Variants in RAB28 observed in about 807,000 individuals in gnomAD.
RAB28 encodes the protein ras-related protein Rab-28.
Under a neutral mutation model 31.7 loss-of-function variants are expected in RAB28, and 24 were observed. The observed-to-expected ratio is 0.76, with a 90% confidence interval of 0.55 to 1.06. The LOEUF is 1.06. Among genes scored for constraint, RAB28 ranks in the 50% least tolerant of loss-of-function variants. RAB28 has a pLI of 0.00. For missense variants in RAB28, 254 were observed against 258.5 expected, an observed-to-expected ratio of 0.98 and a Z score of 0.12; for synonymous variants, 100 against 90.4, an observed-to-expected ratio of 1.11 and a Z score of -0.60.
intron 4 of RAB28, among the ~76,000 whole-genome samples, chr4:13,445,844 T>C (rs1277026633): frequency 6.6e-6 from 1 of 152,216 alleles, no homozygotes; most frequent in Non-Finnish European, 1.5e-5. Flanking sequence ...AGGGACCTGC[T>C]TGAGGGAGCA....
chr4:13,467,101 C>G (rs61798410), intron 3 of RAB28, among the ~76,000 whole-genome samples: 1 of 151,642 alleles, frequency 6.6e-6, no homozygotes, highest in Admixed American at 6.6e-5. Flanking sequence ...AACTATTGCA[C>G]AGTGTGGTTA....
intron 4 of RAB28, among the ~76,000 whole-genome samples, chr4:13,440,541 G>T (rs553952882): frequency 5.9e-5 from 9 of 151,892 alleles, no homozygotes; most frequent in African/African-American, 1.9e-4. Flanking sequence ...ATACCAAAGG[G>T]CTCTATTTTT....
chr4:13,402,231 G>A (rs11943295), intron 4 of RAB28, among the ~76,000 whole-genome samples: 11,319 of 152,216 alleles, frequency 0.074, 749 homozygotes, highest in African/African-American at 0.18. Flanking sequence ...GGAACGTTCT[G>A]TAAATGTCTA....
intron 4 of RAB28, among the ~76,000 whole-genome samples, chr4:13,396,644 T>A (rs1324926163): frequency 6.6e-6 from 1 of 152,108 alleles, no homozygotes; most frequent in Non-Finnish European, 1.5e-5. Flanking sequence ...TCAGAGAAAG[T>A]ACTTTTGTTT....
intron 4 of RAB28, among the ~76,000 whole-genome samples, chr4:13,452,612 AT>A (rs1293282669): frequency 6.6e-6 from 1 of 152,044 alleles, no homozygotes; most frequent in Non-Finnish European, 1.5e-5. Context: ...GTTTTATTCC[AT>A]ATAGTCAGAT....
chr4:13,438,011 G>A (rs1714216715), intron 4 of RAB28, among the ~76,000 whole-genome samples: 1 of 152,062 alleles, frequency 6.6e-6, no homozygotes, highest in African/African-American at 2.4e-5. Flanking sequence ...ATACTACACA[G>A]CCATAAAAAA....
chr4:13,414,939 C>T (rs181976941), intron 4 of RAB28, among the ~76,000 whole-genome samples: 15 of 152,108 alleles, frequency 9.9e-5, no homozygotes, highest in African/African-American at 3.4e-4. Flanking sequence ...CAATTAGAAG[C>T]CAAAAACAAA....
intron 4 of RAB28, among the ~76,000 whole-genome samples, chr4:13,384,253 C>T (rs1729264728): frequency 6.6e-6 from 1 of 152,198 alleles, no homozygotes; most frequent in African/African-American, 2.4e-5. Context: ...ATACCACCAC[C>T]AGCACAGTAG....
intron 4 of RAB28, among the ~76,000 whole-genome samples, chr4:13,450,903 A>G (rs930202555): frequency 6.6e-6 from 1 of 151,930 alleles, no homozygotes; most frequent in South Asian, 2.1e-4. Flanking sequence ...TGCACTTATA[A>G]TGGGCGAAGA....
intron 5 of RAB28, 30 bp from the exon 6 acceptor site, chr4:13,376,652 TA>T: frequency 1.4e-6 from 2 of 1,448,178 alleles, no homozygotes; most frequent in South Asian, 1.3e-5. Context: ...TTAAATGATT[TA>T]AAAGAGGCAT....
chr4:13,479,226 G>A (rs1234274936), intron 2 of RAB28, among the ~76,000 whole-genome samples: 1 of 151,506 alleles, frequency 6.6e-6, no homozygotes, highest in Admixed American at 6.6e-5. Flanking sequence ...AGGAGTGGGA[G>A]AGTATATAAA....
chr4:13,393,557 T>G (rs1001915041), intron 4 of RAB28, among the ~76,000 whole-genome samples: 1 of 152,142 alleles, frequency 6.6e-6, no homozygotes, highest in African/African-American at 2.4e-5. Context: ...TTAAATTACT[T>G]TCATTGACTA....
At chr4:13,478,908 G>A (rs1482928530) in intron 2 of RAB28, among the ~76,000 whole-genome samples, 1 of 151,548 alleles carries the variant, frequency 6.6e-6, no homozygotes, top group African/African-American at 2.4e-5. Flanking sequence ...AGTGCCTAGG[G>A]ACCCTAAATT....
At chr4:13,418,266 T>C (rs1320182023) in intron 4 of RAB28, among the ~76,000 whole-genome samples, 1 of 152,036 alleles carries the variant, frequency 6.6e-6, no homozygotes, top group Non-Finnish European at 1.5e-5. Flanking sequence ...AAAGACCAAA[T>C]CTACATTTGA....
At chr4:13,459,077 C>T (rs544348774) in intron 4 of RAB28, among the ~76,000 whole-genome samples, 3 of 152,260 alleles carry the variant, frequency 2.0e-5, no homozygotes, top group Non-Finnish European at 4.4e-5. Flanking sequence ...CTGAGTCTTC[C>T]GGCCTCCATC....
At chr4:13,371,727 T>C (rs1728720121) in intron 6 of RAB28, 1 of 1,539,542 alleles carries the variant, frequency 6.5e-7, no homozygotes, top group Admixed American at 2.0e-5. Context: ...GTGGTTTCAC[T>C]GTAGTCAGCT....
intron 4 of RAB28, among the ~76,000 whole-genome samples, chr4:13,442,811 T>C (rs1247972511): frequency 6.6e-6 from 1 of 152,108 alleles, no homozygotes. Context: ...TAGGTGCTAT[T>C]ATTAGTCCCA....
chr4:13,440,018 C>G (rs1485162111), intron 4 of RAB28, among the ~76,000 whole-genome samples: 1 of 152,070 alleles, frequency 6.6e-6, no homozygotes, highest in Non-Finnish European at 1.5e-5. Context: ...CTAATCATAA[C>G]ATATTAAATG....
intron 4 of RAB28, among the ~76,000 whole-genome samples, chr4:13,451,699 G>T (rs56409438): frequency 0.074 from 11,273 of 151,678 alleles, 735 homozygotes; most frequent in African/African-American, 0.18. Context: ...CTCTAGTAGT[G>T]TTAGTTTACA....
Sources: gnomAD v4.1 joint callset for allele counts (sites outside exome capture counted in the v4.1 genomes callset) on GRCh38, gnomAD v4.1.1 for gene constraint, MANE v1.5 for transcripts, NCBI Gene and HGNC (gene_info 2026-07-23, HGNC 2026-07-21) for gene names.